The following CTNNA3 variants were observed in gnomAD, a reference collection of about 807,000 sequenced individuals.
CTNNA3 encodes catenin alpha 3.
In CTNNA3, 76 loss-of-function variants were observed where a neutral mutation model predicts 95.7. The ratio of observed to expected loss-of-function variants is 0.79; its 90% confidence interval spans 0.66 to 0.96. CTNNA3 has a LOEUF of 0.96. Ranked by LOEUF, CTNNA3 falls within the 40% of genes least tolerant of loss-of-function variation. The probability of loss-of-function intolerance (pLI) is 0.00; values close to 1 mark genes in which losing one functional copy is unlikely to be tolerated. For missense variants in CTNNA3, 1,191 were observed against 1,089.8 expected (o/e 1.09, Z -1.31); for synonymous variants, 431 against 374.4 (o/e 1.15, Z -1.74).
chr10:67,544,450 C>A (rs1470392245), intron 3 of CTNNA3, among the ~76,000 whole-genome samples: 1 of 152,150 alleles, frequency 6.6e-6, no homozygotes, highest in Non-Finnish European at 1.5e-5. Context: ...CAGAGCCTGG[C>A]AAACTCTCTG....
At chr10:66,467,751 A>G (rs988066666) in intron 11 of CTNNA3, among the ~76,000 whole-genome samples, 4 of 152,108 alleles carry the variant, frequency 2.6e-5, no homozygotes, top group African/African-American at 9.7e-5. Context: ...ATCAGAACTT[A>G]GATTGTCCTG....
At chr10:66,712,893 T>C (rs1331501471) in intron 9 of CTNNA3, among the ~76,000 whole-genome samples, 4 of 152,180 alleles carry the variant, frequency 2.6e-5, no homozygotes, top group Admixed American at 1.3e-4. Flanking sequence ...GTGGTGAGCA[T>C]AGAATTATTC....
chr10:67,461,610 C>T (rs1847384625), intron 5 of CTNNA3, among the ~76,000 whole-genome samples: 1 of 152,076 alleles, frequency 6.6e-6, no homozygotes, highest in South Asian at 2.1e-4. Context: ...AAAATGACCA[C>T]AGAAGAATCA....
At chr10:67,751,976 G>A (rs1275934517) in intron 1 of CTNNA3, among the ~76,000 whole-genome samples, 1 of 152,016 alleles carries the variant, frequency 6.6e-6, no homozygotes, top group Non-Finnish European at 1.5e-5. Flanking sequence ...CATTTTATGA[G>A]GCCAGCATCA....
intron 17 of CTNNA3, among the ~76,000 whole-genome samples, chr10:65,941,433 G>C (rs957555835): frequency 6.6e-6 from 1 of 152,174 alleles, no homozygotes; most frequent in Non-Finnish European, 1.5e-5. Context: ...TATGGAATAA[G>C]AAAATGCGTT....
chr10:66,685,243 G>A (rs187224865), intron 9 of CTNNA3, among the ~76,000 whole-genome samples: 4 of 128,876 alleles, frequency 3.1e-5, no homozygotes, highest in Admixed American at 2.6e-4. Flanking sequence ...ATATATGTGT[G>A]TATATATACG....
At chr10:66,531,637 T>C (rs753710678) in intron 10 of CTNNA3, among the ~76,000 whole-genome samples, 3 of 152,154 alleles carry the variant, frequency 2.0e-5, no homozygotes, top group Non-Finnish European at 4.4e-5. Context: ...CACACAGAAT[T>C]TACAATTTTG....
rs145480361 is a variant in CTNNA3, at chr10:67,133,366, C to CATACATATATATAT, written c.1047+46950_1047+46951insATATATATATGTAT. Among the ~76,000 whole-genome samples the CATACATATATATAT allele has an allele frequency of 7.4e-3, 924 of 124,386 alleles. 15 individuals are homozygous for CATACATATATATAT. The highest frequency in any genetic ancestry group is 0.027 in the African/African-American group (877 of 32,148). 81.6% of individuals were successfully genotyped at this position (124,386 alleles called of 152,430 possible). On this transcript the variant is annotated intron_variant, in intron 7 of 17. Coordinates refer to ENST00000433211, the MANE Select transcript of CTNNA3 (RefSeq NM_013266.4). ...ACAATGGTAGATACATACATACATA[C>CATACATATATATAT]ATATATATATATACACACACACACA... is the stretch of plus-strand genomic sequence containing the variant.
At chr10:66,437,058 CT>C (rs2093343067) in intron 11 of CTNNA3, among the ~76,000 whole-genome samples, 3 of 152,136 alleles carry the variant, frequency 2.0e-5, no homozygotes, top group Admixed American at 1.3e-4. Context: ...AAGAGATCCC[CT>C]GTTAGTCTGA....
chr10:66,911,699 G>C (rs1030302087), intron 7 of CTNNA3, among the ~76,000 whole-genome samples: 6 of 152,232 alleles, frequency 3.9e-5, no homozygotes, highest in Non-Finnish European at 5.9e-5. Flanking sequence ...ATGTGAATTG[G>C]ACAAAATAAT....
chr10:66,312,533 T>A (rs2092035143), intron 12 of CTNNA3, among the ~76,000 whole-genome samples: 1 of 148,410 alleles, frequency 6.7e-6, no homozygotes, highest in African/African-American at 2.5e-5. Flanking sequence ...TTAGAAACTC[T>A]GAGTCCATGG....
chr10:67,475,829 A>C (rs114020281), intron 5 of CTNNA3, among the ~76,000 whole-genome samples: 2,589 of 152,298 alleles, frequency 0.017, 77 homozygotes, highest in African/African-American at 0.057. Context: ...GATCAGAAGA[A>C]GTTTGGATTT....
chr10:66,585,310 T>A (rs1843324540), intron 10 of CTNNA3, among the ~76,000 whole-genome samples: 1 of 152,054 alleles, frequency 6.6e-6, no homozygotes, highest in Non-Finnish European at 1.5e-5. Flanking sequence ...TTTTTCTCCC[T>A]CAGGAATATC....
intron 5 of CTNNA3, among the ~76,000 whole-genome samples, chr10:67,257,580 T>C (rs1866411241): frequency 6.6e-6 from 1 of 152,200 alleles, no homozygotes; most frequent in South Asian, 2.1e-4. Flanking sequence ...TTGTATATAA[T>C]AATTATGCTC....
At chr10:65,980,717 C>T (rs1415783026) in intron 16 of CTNNA3, among the ~76,000 whole-genome samples, 1 of 151,574 alleles carries the variant, frequency 6.6e-6, no homozygotes, top group Non-Finnish European at 1.5e-5. Flanking sequence ...ATGTGACACA[C>T]CACATAAAAA....
intron 15 of CTNNA3, among the ~76,000 whole-genome samples, chr10:66,006,737 G>A (rs184537805): frequency 2.6e-5 from 4 of 151,908 alleles, no homozygotes; most frequent in African/African-American, 7.2e-5. Flanking sequence ...GAAAATAATC[G>A]CATTCAATTT....
At chr10:66,775,378 C>T in intron 8 of CTNNA3, 66 bp downstream of exon 8, 3 of 1,033,494 alleles carry the variant, frequency 2.9e-6, no homozygotes, top group South Asian at 1.5e-5. Context: ...AACAAATATG[C>T]CTGCAATGAA....
intron 7 of CTNNA3, among the ~76,000 whole-genome samples, chr10:67,090,337 G>A (rs551334996): frequency 6.6e-6 from 1 of 152,216 alleles, no homozygotes; most frequent in East Asian, 1.9e-4. Flanking sequence ...AAGACCCAAT[G>A]TGCAAAGAAG....
At chr10:66,987,816 G>A (rs1850818515) in intron 7 of CTNNA3, among the ~76,000 whole-genome samples, 1 of 152,118 alleles carries the variant, frequency 6.6e-6, no homozygotes, top group South Asian at 2.1e-4. Context: ...GATGGATTTT[G>A]ATCCAGATTT....
Sources: gnomAD v4.1 joint callset for allele counts (sites outside exome capture counted in the v4.1 genomes callset) on GRCh38, gnomAD v4.1.1 for gene constraint, MANE v1.5 for transcripts, NCBI Gene and HGNC (gene_info 2026-07-23, HGNC 2026-07-21) for gene names.